Variants in FKBP1A observed in about 807,000 individuals in gnomAD.
FKBP1A encodes FKBP prolyl isomerase 1A.
A neutral mutation model predicts 14.2 loss-of-function variants in FKBP1A; 5 were observed. That is an observed-to-expected ratio of 0.35 (90% confidence interval 0.18 to 0.74). The LOEUF is 0.74. Among genes scored for constraint, FKBP1A ranks in the 30% least tolerant of loss-of-function variants. FKBP1A has a pLI of 0.56. For synonymous variants in FKBP1A, 42 were observed against 49.1 expected, an observed-to-expected ratio of 0.86 and a Z score of 0.60; for missense variants, 53 against 138.8, an observed-to-expected ratio of 0.38 and a Z score of 3.10.
chr20:1,373,977 C>G (rs2089504283), intron 3 of FKBP1A, among the ~76,000 whole-genome samples: 1 of 152,194 alleles, frequency 6.6e-6, no homozygotes, highest in African/African-American at 2.4e-5. Context: ...GGGATGGCTT[C>G]AAGTTCCTGA....
chr20:1,381,537 T>C (rs1006981736), intron 2 of FKBP1A, among the ~76,000 whole-genome samples: 1 of 152,178 alleles, frequency 6.6e-6, no homozygotes, highest in African/African-American at 2.4e-5. Flanking sequence ...AAGTTAAACA[T>C]ACACCTCCCA....
intron 2 of FKBP1A, among the ~76,000 whole-genome samples, chr20:1,390,835 T>C (rs971243818): frequency 1.3e-5 from 2 of 152,158 alleles, no homozygotes; most frequent in Non-Finnish European, 2.9e-5. Context: ...AAGGCGTCTT[T>C]ATAGGGCTTA....
rs2089470625 is a variant in FKBP1A at position 1,371,940 on chromosome 20, T to C, written c.*36+136A>G. On this transcript the variant is annotated intron_variant, in intron 4 of 4. Coordinates refer to ENST00000400137, the MANE Select transcript of FKBP1A (RefSeq NM_000801.5). ...GCATACACTAATAACACTGAAAGGATACTCAATACAGAAAGAATGCAGGGG... is the reference window on the plus strand; with the variant it reads ...GCATACACTAATAACACTGAAAGGACACTCAATACAGAAAGAATGCAGGGG... 7 of 1,438,992 alleles carry C rather than the reference T, an allele frequency of 4.9e-6. No individual in the cohort carries two copies. The East Asian group carries it at 1.3e-4, about 26-fold the overall frequency. 89.1% of individuals were successfully genotyped at this position (1,438,992 alleles called of 1,614,324 possible).
Position 1,380,165 on chromosome 20 carries a change from C to T in FKBP1A, c.86-4562G>A, listed in dbSNP as rs186969021. Among the ~76,000 whole-genome samples, 547 of 152,134 alleles carry T rather than the reference C, an allele frequency of 3.6e-3. 16 individuals are homozygous for T. Among genetic ancestry groups the T allele is most frequent in the Admixed American group, 0.035 (536 of 15,288 alleles). On this transcript the variant is annotated intron_variant, in intron 2 of 4. Coordinates refer to ENST00000400137, the MANE Select transcript of FKBP1A (RefSeq NM_000801.5). ...CGATGGTTTGTAGGACACCAGACAT[C>T]TGTAATGAAGAACAATAAATCCTGA...
chr20:1,370,241 G>A (rs2089445304), intron 4 of FKBP1A, 169 bp from the exon 5 acceptor site: 1 of 985,316 alleles, frequency 1.0e-6, no homozygotes, highest in Non-Finnish European at 1.2e-6. Flanking sequence ...ACTTGGGCTG[G>A]GTCCCAGGTG....
intron 1 of FKBP1A, 26 bp from the exon 2 acceptor site, chr20:1,392,907 G>A (rs1259963127): frequency 3.3e-6 from 5 of 1,525,804 alleles, no homozygotes; most frequent in Non-Finnish European, 4.4e-6. Flanking sequence ...CGGGCATGCT[G>A]AGCCGATGCG....
chr20:1,392,509 A>T (rs1432346067), intron 2 of FKBP1A, among the ~76,000 whole-genome samples: 1 of 152,148 alleles, frequency 6.6e-6, no homozygotes, highest in East Asian at 1.9e-4. Context: ...AGACCTTGGG[A>T]AAGTGACTTC....
chr20:1,372,058 A>G lies in FKBP1A; in HGVS notation c.*36+18T>C. 6.2e-7 allele frequency: 1 copy of G among 1,609,510 alleles called. No homozygotes were observed. Among genetic ancestry groups the G allele is most frequent in the Non-Finnish European group, 8.5e-7 (1 of 1,177,676 alleles). ...GAGCAAAGGCAGTGAAGGGCCCTTC[A>G]GTATTCCATTTCCTTACCCAAGAAC... On this transcript the variant is annotated intron_variant, in intron 4 of 4. Coordinates refer to ENST00000400137, the MANE Select transcript of FKBP1A (RefSeq NM_000801.5).
intron 4 of FKBP1A, 179 bp downstream of exon 4, chr20:1,371,897 C>T (rs775406393): frequency 1.6e-5 from 22 of 1,362,640 alleles, no homozygotes; most frequent in Non-Finnish European, 2.0e-5. Flanking sequence ...CTTAGGGTGA[C>T]CAATTTTTAC....
intron 2 of FKBP1A, among the ~76,000 whole-genome samples, chr20:1,390,113 G>A (rs1275753125): frequency 1.3e-5 from 2 of 152,148 alleles, no homozygotes; most frequent in Non-Finnish European, 2.9e-5. Context: ...ATGTGGTAAA[G>A]GTCAGTCTGT....
chr20:1,378,284 T>A (rs2089575131), intron 2 of FKBP1A: 1 of 151,870 alleles, frequency 6.6e-6, no homozygotes, highest in Admixed American at 6.6e-5. Flanking sequence ...ACCACTTCCC[T>A]CAAGACTCAT....
intron 3 of FKBP1A, among the ~76,000 whole-genome samples, chr20:1,375,084 A>G (rs2089522385): frequency 1.3e-5 from 2 of 152,116 alleles, no homozygotes; most frequent in African/African-American, 4.8e-5. Flanking sequence ...TGATCCATCC[A>G]TCTTGGCCTC....
chr20:1,372,737 A>C (rs2089485308), intron 3 of FKBP1A, among the ~76,000 whole-genome samples: 1 of 152,188 alleles, frequency 6.6e-6, no homozygotes, highest in Non-Finnish European at 1.5e-5. Context: ...CATATAGGAA[A>C]ACTTCAAAAA....
chr20:1,370,741 T>TAC (rs2089453188), intron 4 of FKBP1A: 1 of 985,394 alleles, frequency 1.0e-6, no homozygotes, highest in African/African-American at 1.7e-5. Flanking sequence ...CCCCTCCCTC[T>TAC]ACCTCATCAA....
chr20:1,390,828 G>T (rs1025897608), intron 2 of FKBP1A, among the ~76,000 whole-genome samples: 2 of 152,108 alleles, frequency 1.3e-5, no homozygotes, highest in African/African-American at 2.4e-5. Context: ...TCTCACTAAG[G>T]CGTCTTTATA....
intron 2 of FKBP1A, among the ~76,000 whole-genome samples, chr20:1,382,368 C>T (rs2089626911): frequency 6.6e-6 from 1 of 152,226 alleles, no homozygotes; most frequent in Non-Finnish European, 1.5e-5. Context: ...TAAAACATCA[C>T]AAGCATTGCC....
At chr20:1,382,975 C>A (rs531499322) in intron 2 of FKBP1A, among the ~76,000 whole-genome samples, 102 of 152,298 alleles carry the variant, frequency 6.7e-4, no homozygotes, top group Non-Finnish European at 1.4e-3. Flanking sequence ...AGAGGGAGAC[C>A]TGGCCAGCAG....
chr20:1,370,373 ATTGGGTC>A, intron 4 of FKBP1A: 1 of 985,270 alleles, frequency 1.0e-6, no homozygotes, highest in Non-Finnish European at 1.2e-6. Context: ...CCCCACTATC[ATTGGGTC>A]TCAAACTGTG....
At chr20:1,392,668 C>A (rs2089754025) in intron 2 of FKBP1A, among the ~76,000 whole-genome samples, 166 bp downstream of exon 2, 1 of 152,178 alleles carries the variant, frequency 6.6e-6, no homozygotes, top group South Asian at 2.1e-4. Flanking sequence ...TCCGCAAGCC[C>A]CAGGCTGCCC....
Sources: allele counts gnomAD v4.1 joint callset (sites outside exome capture counted in the v4.1 genomes callset), GRCh38; gene constraint gnomAD v4.1.1; transcripts MANE v1.5; gene names NCBI Gene and HGNC (gene_info 2026-07-23, HGNC 2026-07-21).